The following GNA15 variants were observed in gnomAD, a reference collection of about 807,000 sequenced individuals.
GNA15 encodes the protein guanine nucleotide-binding protein subunit alpha-15.
Under a neutral mutation model 40.1 loss-of-function variants are expected in GNA15, and 23 were observed. That is an observed-to-expected ratio of 0.57 (90% confidence interval 0.41 to 0.81). GNA15 has a LOEUF of 0.81. Among genes scored for constraint, GNA15 ranks in the 40% least tolerant of loss-of-function variants. GNA15 has a pLI of 0.00. For missense variants in GNA15, 522 were observed against 515.8 expected, an observed-to-expected ratio of 1.01 and a Z score of -0.12; for synonymous variants, 226 against 210.4, an observed-to-expected ratio of 1.07 and a Z score of -0.64.
chr19:3,147,318 C>T (rs938243148), intron 1 of GNA15, among the ~76,000 whole-genome samples: 5 of 151,498 alleles, frequency 3.3e-5, no homozygotes, highest in African/African-American at 7.3e-5. Flanking sequence ...TTTGGGAGGC[C>T]GAGGCAGACG....
At position 3,148,741 on chromosome 19, in the gene GNA15, G is replaced by A. The variant is rs1417467645; in HGVS notation, c.296G>A (p.Arg99Gln). The change falls in exon 2 of 7, where the codon CGG becomes CAG. Residue 99 changes from arginine (R) to glutamine (Q), a missense_variant. By Grantham distance (43) the Arg-to-Gln change is conservative. Transcript: ENST00000262958. The part of the protein sequence containing the change: ...SMRAMIEAME[R>Q]LQIPFSRPES... ...CGGGCCATGATCGAGGCCATGGAGC[G>A]GCTGCAGATTCCATTCAGCAGGCCC... 1.9e-6 allele frequency: 3 copies of A among 1,603,224 alleles called. No homozygotes were observed. Among genetic ancestry groups the A allele is most frequent in the Non-Finnish European group, 2.6e-6 (3 of 1,175,510 alleles).
intron 1 of GNA15, among the ~76,000 whole-genome samples, chr19:3,140,565 CTGTT>C (rs1281376019): frequency 4.6e-5 from 7 of 152,082 alleles, no homozygotes; most frequent in African/African-American, 7.2e-5. Context: ...TCCCCTTACT[CTGTT>C]TGATTTTTCT....
chr19:3,159,591 C>T (rs545305435), intron 6 of GNA15, among the ~76,000 whole-genome samples: 10 of 149,354 alleles, frequency 6.7e-5, no homozygotes, highest in Middle Eastern at 3.8e-3. Context: ...GTGATCCACC[C>T]GCCTCGGCCT....
At position 3,157,797 on chromosome 19, in the gene GNA15, G is replaced by A. The variant is rs1481671679; in HGVS notation, c.814G>A (p.Val272Ile). ...LELPWFKSTS[V>I]ILFLNKTDIL... ...ACTACCCTGGTTCAAAAGCACATCCGTCATCCTCTTTCTCAACAAAACCGA... is the reference window on the plus strand; with the variant it reads ...ACTACCCTGGTTCAAAAGCACATCCATCATCCTCTTTCTCAACAAAACCGA... Residue 272 changes from valine to isoleucine, a missense_variant, in exon 6 of 7, where the codon GTC becomes ATC. Val to Ile is a conservative substitution (Grantham distance 29). Coordinates refer to ENST00000262958, the MANE Select transcript of GNA15 (RefSeq NM_002068.4). 8 of 1,613,210 alleles carry A rather than the reference G, an allele frequency of 5.0e-6. No homozygotes were observed. Among genetic ancestry groups the A allele is most frequent in the Middle Eastern group, 3.3e-4 (2 of 6,078 alleles).
chr19:3,149,073 A>G (rs1281343251), intron 2 of GNA15: 2 of 385,588 alleles, frequency 5.2e-6, no homozygotes, highest in Non-Finnish European at 9.7e-6. Context: ...ACGCATGCCC[A>G]CATGCACACA....
At chr19:3,157,522 C>T (rs1367726826) in intron 5 of GNA15, among the ~76,000 whole-genome samples, 1 of 152,230 alleles carries the variant, frequency 6.6e-6, no homozygotes, top group Non-Finnish European at 1.5e-5. Flanking sequence ...GGAGGACACA[C>T]TTCCAACCAG....
At chr19:3,147,582 C>G (rs990835772) in intron 1 of GNA15, among the ~76,000 whole-genome samples, 1 of 142,978 alleles carries the variant, frequency 7.0e-6, no homozygotes, top group African/African-American at 2.6e-5. Flanking sequence ...GAAAAAAACC[C>G]ATAAGAACCA....
At chr19:3,162,433 C>T (rs2238629) in intron 6 of GNA15, among the ~76,000 whole-genome samples, 4,919 of 151,922 alleles carry the variant, frequency 0.032, 518 homozygotes, top group Admixed American at 0.2. Context: ...GCCTTGATGC[C>T]GCCATCTTCA....
intron 1 of GNA15, among the ~76,000 whole-genome samples, chr19:3,143,754 A>G (rs2144843610): frequency 6.6e-6 from 1 of 152,226 alleles, no homozygotes; most frequent in Non-Finnish European, 1.5e-5. Flanking sequence ...CATTGAAGGA[A>G]TTGTGCGACC....
chr19:3,153,571 G>T (rs1914931323), intron 4 of GNA15, among the ~76,000 whole-genome samples: 1 of 151,958 alleles, frequency 6.6e-6, no homozygotes, highest in Admixed American at 6.6e-5. Flanking sequence ...ATGAATGGGT[G>T]GATGGATGGG....
At chr19:3,144,976 G>A (rs970126992) in intron 1 of GNA15, among the ~76,000 whole-genome samples, 22 of 150,342 alleles carry the variant, frequency 1.5e-4, no homozygotes, top group South Asian at 2.1e-4. Flanking sequence ...TTACAGGTGC[G>A]CGCCACCATG....
At chr19:3,160,448 A>AGCTGCTATCATG (rs1915116763) in intron 6 of GNA15, among the ~76,000 whole-genome samples, 1 of 152,200 alleles carries the variant, frequency 6.6e-6, no homozygotes, top group Non-Finnish European at 1.5e-5. Flanking sequence ...CCCAGGTGGA[A>AGCTGCTATCATG]GCTGCTTCTC....
At chr19:3,145,966 G>A (rs1914712615) in intron 1 of GNA15, among the ~76,000 whole-genome samples, 1 of 152,158 alleles carries the variant, frequency 6.6e-6, no homozygotes, top group African/African-American at 2.4e-5. Flanking sequence ...TGTGCAGGTG[G>A]CACCTGCTAG....
intron 6 of GNA15, among the ~76,000 whole-genome samples, chr19:3,162,011 T>C (rs7257374): frequency 0.36 from 54,222 of 151,504 alleles, 10,070 homozygotes; most frequent in Non-Finnish European, 0.4. Flanking sequence ...CCAACCTGGG[T>C]GACAGAGTGA....
chr19:3,138,777 C>T (rs1030853970), intron 1 of GNA15, among the ~76,000 whole-genome samples: 93 of 148,604 alleles, frequency 6.3e-4, no homozygotes, highest in African/African-American at 2.2e-3. Context: ...ATTATAGGCA[C>T]GCGCCACCAC....
chr19:3,145,632 C>T (rs1485594970), intron 1 of GNA15, among the ~76,000 whole-genome samples: 1 of 129,072 alleles, frequency 7.7e-6, no homozygotes, highest in Non-Finnish European at 1.6e-5. Flanking sequence ...TCACTGCAAC[C>T]TCTGCCTCGA....
At chr19:3,146,032 G>A (rs546563091) in intron 1 of GNA15, among the ~76,000 whole-genome samples, 13 of 152,136 alleles carry the variant, frequency 8.5e-5, no homozygotes, top group African/African-American at 2.7e-4. Context: ...TGACACCCCC[G>A]CCCCTTCTCC....
At position 3,149,018 on chromosome 19, in the gene GNA15, G is replaced by A. The variant is rs555102202; in HGVS notation, c.330+243G>A. ...ACACGCACATGTATGCACACGCACA[G>A]ACATGCACACAAGGACACACACGTA... On this transcript the variant is annotated intron_variant, in intron 2 of 6. Coordinates refer to ENST00000262958, the MANE Select transcript of GNA15 (RefSeq NM_002068.4). 5 of 505,902 alleles carry A rather than the reference G, an allele frequency of 9.9e-6. No homozygotes were observed. The East Asian group carries it at 1.3e-4, about 13-fold the overall frequency. 31.3% of individuals were successfully genotyped at this position (505,902 alleles called of 1,614,324 possible).
At chr19:3,138,035 G>A (rs548180867) in intron 1 of GNA15, among the ~76,000 whole-genome samples, 22 of 152,110 alleles carry the variant, frequency 1.4e-4, no homozygotes, top group African/African-American at 4.1e-4. Flanking sequence ...ACGCCAAGGC[G>A]GGCAGATCAC....
Sources: allele counts gnomAD v4.1 joint callset (sites outside exome capture counted in the v4.1 genomes callset), GRCh38; gene constraint gnomAD v4.1.1; transcripts MANE v1.5; gene names NCBI Gene and HGNC (gene_info 2026-07-23, HGNC 2026-07-21).